The following SLC28A1 variants were observed in gnomAD, a reference collection of about 807,000 sequenced individuals.
The protein encoded by SLC28A1 is solute carrier family 28 member 1, also known as sodium/nucleoside cotransporter 1.
Under a neutral mutation model 74.8 loss-of-function variants are expected in SLC28A1, and 64 were observed. That is an observed-to-expected ratio of 0.86 (90% CI 0.70 to 1.05). The LOEUF is 1.05. Among genes scored for constraint, SLC28A1 ranks in the 50% least tolerant of loss-of-function variants. The pLI is 0.00. For synonymous variants in SLC28A1, 359 were observed against 335.0 expected (o/e 1.07, Z -0.78); for missense variants, 828 against 822.8 (o/e 1.01, Z -0.08).
chr15:84,889,205 C>A (rs924019865), intron 4 of SLC28A1, among the ~76,000 whole-genome samples: 2 of 152,120 alleles, frequency 1.3e-5, no homozygotes, highest in African/African-American at 2.4e-5. Context: ...CTGAAGACTC[C>A]GGTTAAAAAT....
At chr15:84,957,383 C>T in the SLC28A1 span, among the ~76,000 whole-genome samples, 2 of 152,216 alleles carry the variant, frequency 1.3e-5, no homozygotes, top group East Asian at 3.8e-4. Context: ...TCTTGTGCCT[C>T]AGCCTCCTGA....
the SLC28A1 span, among the ~76,000 whole-genome samples, chr15:84,950,895 C>T: frequency 1.3e-3 from 193 of 152,168 alleles, 1 homozygote; most frequent in Middle Eastern, 3.4e-3. Context: ...TGCCGTGTTA[C>T]GACTACTCAA....
intron 11 of SLC28A1, among the ~76,000 whole-genome samples, chr15:84,922,460 C>T (rs564616405): frequency 6.6e-6 from 1 of 152,286 alleles, no homozygotes; most frequent in East Asian, 1.9e-4. Context: ...CCGCTTCCCC[C>T]ACTGCGGCAT....
rs747152727 is a variant in SLC28A1 at position 84,944,573 on chromosome 15, G to C, written c.1671G>C (p.Met557Ile). 6.2e-7 allele frequency: 1 copy of C among 1,612,784 alleles called. No homozygotes were observed. ...IGIMLGGLTS[M>I]VPQRKSDFSQ... ...ACTTCTGTCCCCTTGCAGCCTCCAT[G>C]GTCCCCCAACGGAAGAGCGACTTCT... is the stretch of plus-strand genomic sequence containing the variant. The change falls in exon 17 of 19, where the codon ATG becomes ATC. Residue 557 changes from methionine (M) to isoleucine (I), a missense_variant. Coordinates refer to ENST00000394573, the MANE Select transcript of SLC28A1 (RefSeq NM_004213.5).
intron 6 of SLC28A1, 32 bp downstream of exon 6, chr15:84,895,155 G>A (rs778847925): frequency 2.5e-6 from 4 of 1,611,990 alleles, no homozygotes; most frequent in Non-Finnish European, 1.7e-6. Flanking sequence ...AGGCAGGGCA[G>A]GGGAGGGCCC....
In SLC28A1 at chr15:84,888,826, T is replaced by C. The variant is rs1323186624; in HGVS notation, c.151T>C (p.Trp51Arg). Residue 51 changes from tryptophan (W) to arginine (R), a missense_variant, in exon 4 of 19, where the codon TGG becomes CGG. Trp to Arg is a moderately radical substitution (Grantham distance 101). This residue lies in a region of SLC28A1 where 767 missense variants were observed against 753.5 expected (regional missense o/e 1.02). Transcript: ENST00000394573. The part of the protein sequence containing the change: ...DLSPAEIRSS[W>R]SEAAPKPFSR... ...GAGCCCCGCAGAGATCAGGAGCAGC[T>C]GGAGCGAGGCGGCGCCGAAGCCCTT... 1 of 1,554,532 alleles carries C rather than the reference T, an allele frequency of 6.4e-7. No homozygotes were observed. The highest frequency in any genetic ancestry group is 1.9e-5 in the Admixed American group (1 of 51,406).
the SLC28A1 span, among the ~76,000 whole-genome samples, chr15:84,966,827 G>A: frequency 2.0e-5 from 3 of 152,196 alleles, no homozygotes; most frequent in Admixed American, 6.5e-5. Flanking sequence ...CTCCCACAAC[G>A]TGTGGGAATT....
At chr15:84,899,940 A>AAGGAAGGAAGGAAGG (rs1966437006) in intron 6 of SLC28A1, among the ~76,000 whole-genome samples, 1,719 of 136,832 alleles carry the variant, frequency 0.013, 26 homozygotes, top group Non-Finnish European at 0.017. Flanking sequence ...AGAAAGAAAG[A>AAGGAAGGAAGGAAGG]AAGGAAGGAA....
At chr15:84,924,905 TG>T (rs66472258) in intron 12 of SLC28A1, among the ~76,000 whole-genome samples, 85,510 of 144,308 alleles carry the variant, frequency 0.59, 26,255 homozygotes, top group Middle Eastern at 0.76. Context: ...TAATTTTTTT[TG>T]TTTGTTTGTT....
At chr15:84,945,064 C>T (rs2079152167) in intron 18 of SLC28A1, 61 bp from the exon 19 acceptor site, 1 of 1,460,160 alleles carries the variant, frequency 6.8e-7, no homozygotes, top group African/African-American at 1.4e-5. Context: ...GTTGCACAGC[C>T]TGGTGGTGGC....
the SLC28A1 span, among the ~76,000 whole-genome samples, chr15:84,972,658 G>A: frequency 6.6e-6 from 1 of 152,174 alleles, no homozygotes; most frequent in African/African-American, 2.4e-5. Context: ...TACCCTTCTA[G>A]GGGTAGCCAG....
At chr15:84,970,906 G>A in the SLC28A1 span, among the ~76,000 whole-genome samples, 18 of 152,290 alleles carry the variant, frequency 1.2e-4, no homozygotes, top group African/African-American at 4.1e-4. Flanking sequence ...TGGCCAGTCT[G>A]AGATGTAATT....
rs771349797 is a variant in SLC28A1, at chr15:84,945,210, A to G, written c.*10A>G. On this transcript the variant is annotated 3_prime_UTR_variant, in exon 19 of 19. Coordinates refer to ENST00000394573, the MANE Select transcript of SLC28A1 (RefSeq NM_004213.5). ...GATCTGTGCACAGTGAGGACAGAAC[A>G]TGCTTGTGCTTCTGCGCTTCTGAGG... The G allele has an allele frequency of 1.2e-6, 2 of 1,613,036 alleles. No homozygotes were observed. Among genetic ancestry groups the G allele is most frequent in the Non-Finnish European group, 1.7e-6 (2 of 1,179,150 alleles).
intron 5 of SLC28A1, among the ~76,000 whole-genome samples, chr15:84,894,580 C>T (rs1410271639): frequency 1.3e-5 from 2 of 152,132 alleles, no homozygotes; most frequent in Non-Finnish European, 2.9e-5. Flanking sequence ...CTGATGGGCT[C>T]GTCTCCTTCC....
chr15:84,971,294 C>T, the SLC28A1 span, among the ~76,000 whole-genome samples: 2 of 152,170 alleles, frequency 1.3e-5, no homozygotes, highest in Non-Finnish European at 2.9e-5. Context: ...GTTTGTCCCC[C>T]TCAAACCTCA....
In SLC28A1 at chr15:84,894,989, C is replaced by A. The variant is rs1375261312; in HGVS notation, c.327C>A (p.Ala109=). ...CCTGCCTCCTGGATTTCCAGAGGGC[C>A]CTGGCTCTGTTTGTCCTCACCTGTG... ...LVACLLDFQR[A]LALFVLTCVV... The change falls in exon 6 of 19, where the codon GCC becomes GCA. Residue 109 remains alanine, a synonymous_variant. Transcript: ENST00000394573. The A allele has an allele frequency of 6.2e-7, 1 of 1,614,156 alleles. No homozygotes were observed. The highest frequency in any genetic ancestry group is 2.2e-5 in the East Asian group (1 of 44,870).
At chr15:84,946,862 T>C (rs372063390), downstream of SLC28A1, among the ~76,000 whole-genome samples, 3 of 152,108 alleles carry the variant, frequency 2.0e-5, no homozygotes, top group East Asian at 3.9e-4. Context: ...CCCATCTCAG[T>C]TCTCATTTTC....
intron 1 of SLC28A1, chr15:84,886,178 G>A (rs1332496331): frequency 5.1e-6 from 5 of 985,122 alleles, no homozygotes; most frequent in African/African-American, 1.7e-5. Flanking sequence ...GGTGTGATTT[G>A]GTTTTGTTTT....
chr15:84,904,364 G>A, intron 7 of SLC28A1, 126 bp downstream of exon 7: 2 of 1,347,922 alleles, frequency 1.5e-6, no homozygotes, highest in South Asian at 1.2e-5. Flanking sequence ...CTCAGGGCCT[G>A]GAGAAGGCCT....
Sources: allele counts gnomAD v4.1 joint callset (sites outside exome capture counted in the v4.1 genomes callset), GRCh38; gene constraint gnomAD v4.1.1; regional missense constraint gnomAD v4.1.1; transcripts MANE v1.5; gene names NCBI Gene and HGNC (gene_info 2026-07-23, HGNC 2026-07-21).